PTPRD: variants seen among roughly 807,000 people sequenced by gnomAD.
The protein encoded by PTPRD is receptor-type tyrosine-protein phosphatase delta.
PTPRD carries 34 observed loss-of-function variants against 214.5 expected under a neutral mutation model. That is an observed-to-expected ratio of 0.16 (90% confidence interval 0.12 to 0.21). The LOEUF is 0.21. PTPRD is among the 10% of genes least tolerant of loss of function. PTPRD has a pLI of 1.00. For missense variants in PTPRD, 2,545 were observed against 2,398.7 expected (o/e 1.06, Z -1.27); for synonymous variants, 1,128 against 845.7 (o/e 1.33, Z -5.79).
chr9:8,449,184 G>C (rs912896613), intron 34 of PTPRD, among the ~76,000 whole-genome samples: 1 of 152,136 alleles, frequency 6.6e-6, no homozygotes, highest in Non-Finnish European at 1.5e-5. Context: ...TCTCTAGTAA[G>C]AAGCCTGAAG....
At chr9:9,470,575 A>T (rs748665962) in intron 8 of PTPRD, among the ~76,000 whole-genome samples, 2 of 152,196 alleles carry the variant, frequency 1.3e-5, no homozygotes, top group Non-Finnish European at 2.9e-5. Context: ...AAGGGGGAAT[A>T]AACATTTTGA....
At chr9:10,551,023 C>A (rs573503706) in intron 2 of PTPRD, among the ~76,000 whole-genome samples, 1 of 152,284 alleles carries the variant, frequency 6.6e-6, no homozygotes, top group South Asian at 2.1e-4. Context: ...GAGACTTTGA[C>A]ACAACTCTGT....
chr9:8,355,248 C>T (rs946910500), intron 39 of PTPRD, among the ~76,000 whole-genome samples: 1 of 152,144 alleles, frequency 6.6e-6, no homozygotes, highest in African/African-American at 2.4e-5. Flanking sequence ...CTTTTGCCTT[C>T]CACCAAACTT....
intron 30 of PTPRD, 59 bp from the exon 31 acceptor site, chr9:8,471,144 A>G: frequency 7.1e-7 from 1 of 1,413,758 alleles, no homozygotes; most frequent in Non-Finnish European, 1.0e-6. Context: ...ACGTGGATAT[A>G]CCCTTAAACC....
chr9:10,385,217 T>C (rs762156927), intron 2 of PTPRD, among the ~76,000 whole-genome samples: 1 of 151,834 alleles, frequency 6.6e-6, no homozygotes, highest in East Asian at 1.9e-4. Flanking sequence ...TAAAGCTCTT[T>C]GTGCCTCTGA....
In PTPRD at chr9:9,076,441, C is replaced by A. The variant is rs371321632; in HGVS notation, c.-142-57706G>T. On this transcript the variant is annotated intron_variant, in intron 10 of 45. Transcript: ENST00000381196. Reference sequence around the variant, plus strand: ...GTACCCATTAACCGTCCCCTTTGCTCCCCTGTCTAGTACTCCTCCCAGCCT... The same window carrying A: ...GTACCCATTAACCGTCCCCTTTGCTACCCTGTCTAGTACTCCTCCCAGCCT... Among the ~76,000 whole-genome samples, 27 of 151,888 alleles carry A rather than the reference C, an allele frequency of 1.8e-4. No homozygotes were observed. In the East Asian group the frequency reaches 4.7e-3, roughly 26 times the overall value.
chr9:9,358,769 C>T (rs1306843748), intron 9 of PTPRD, among the ~76,000 whole-genome samples: 1 of 151,298 alleles, frequency 6.6e-6, no homozygotes, highest in African/African-American at 2.4e-5. Context: ...TGTGATTAAT[C>T]CAACACCTTT....
chr9:9,833,071 T>A (rs973322457), intron 5 of PTPRD, among the ~76,000 whole-genome samples: 1 of 151,884 alleles, frequency 6.6e-6, no homozygotes, highest in East Asian at 1.9e-4. Context: ...CTGACAAACA[T>A]AGAACCTCTG....
At chr9:8,518,501 A>G in intron 20 of PTPRD, 72 bp from the exon 21 acceptor site, 1 of 1,085,566 alleles carries the variant, frequency 9.2e-7, no homozygotes, top group East Asian at 2.4e-5. Flanking sequence ...TATAAACTCT[A>G]CTATGAAAAT....
At chr9:8,462,745 T>TA (rs1448408508) in intron 32 of PTPRD, among the ~76,000 whole-genome samples, 6 of 151,806 alleles carry the variant, frequency 4.0e-5, no homozygotes, top group African/African-American at 9.7e-5. Flanking sequence ...TCCCCTCTAC[T>TA]AAAAAAACCA....
At chr9:9,113,142 T>A (rs903610376) in intron 10 of PTPRD, among the ~76,000 whole-genome samples, 151 of 151,600 alleles carry the variant, frequency 1.0e-3, no homozygotes, top group African/African-American at 3.5e-3. Flanking sequence ...TTAAAAAATA[T>A]ATATATATTA....
intron 14 of PTPRD, among the ~76,000 whole-genome samples, chr9:8,567,624 A>G (rs1369493400): frequency 6.6e-6 from 1 of 152,132 alleles, no homozygotes; most frequent in Non-Finnish European, 1.5e-5. Flanking sequence ...ATTCAGTTAT[A>G]TTTGCGTGTA....
intron 3 of PTPRD, among the ~76,000 whole-genome samples, chr9:10,300,700 A>G (rs944306661): frequency 1.4e-4 from 21 of 152,180 alleles, no homozygotes; most frequent in African/African-American, 5.1e-4. Flanking sequence ...TGCTGCAGCC[A>G]GACTGCCTCT....
intron 12 of PTPRD, among the ~76,000 whole-genome samples, chr9:8,708,729 T>C (rs1442464309): frequency 7.6e-6 from 1 of 131,342 alleles, no homozygotes; most frequent in Non-Finnish European, 1.6e-5. Flanking sequence ...GATCCAGCAA[T>C]CCCACTACTA....
chr9:10,057,756 T>C (rs943389447), intron 3 of PTPRD, among the ~76,000 whole-genome samples: 3 of 148,710 alleles, frequency 2.0e-5, no homozygotes, highest in African/African-American at 5.0e-5. Context: ...GGGAGGGGAG[T>C]TGCTTGAACC....
chr9:9,024,979 T>A (rs1440794858), intron 10 of PTPRD, among the ~76,000 whole-genome samples: 1 of 152,080 alleles, frequency 6.6e-6, no homozygotes, highest in Non-Finnish European at 1.5e-5. Context: ...AGTAAAGTTT[T>A]ATGCTTCATT....
At chr9:9,272,801 A>G (rs9695607) in intron 9 of PTPRD, among the ~76,000 whole-genome samples, 2,578 of 151,356 alleles carry the variant, frequency 0.017, 72 homozygotes, top group African/African-American at 0.059. Context: ...AGCAAGCACT[A>G]TGGCCATGTT....
At chr9:10,095,388 T>C (rs141486310) in intron 3 of PTPRD, among the ~76,000 whole-genome samples, 1 of 151,492 alleles carries the variant, frequency 6.6e-6, no homozygotes, top group Non-Finnish European at 1.5e-5. Context: ...CTTCAGAATC[T>C]ATGAATGCAT....
At chr9:9,399,948 A>G (rs1218370225) in intron 8 of PTPRD, among the ~76,000 whole-genome samples, 1 of 152,076 alleles carries the variant, frequency 6.6e-6, no homozygotes, top group Non-Finnish European at 1.5e-5. Flanking sequence ...ACATGTTCTA[A>G]ATAGAATAAT....
Sources: allele counts gnomAD v4.1 joint callset (sites outside exome capture counted in the v4.1 genomes callset), GRCh38; gene constraint gnomAD v4.1.1; transcripts MANE v1.5; gene names NCBI Gene and HGNC (gene_info 2026-07-23, HGNC 2026-07-21).